The following RFX7 variants were observed in gnomAD, a reference collection of about 807,000 sequenced individuals.
RFX7 encodes DNA-binding protein RFX7.
A neutral mutation model predicts 111.8 loss-of-function variants in RFX7; 26 were observed. That is an observed-to-expected ratio of 0.23 (90% CI 0.17 to 0.32). The LOEUF is 0.32. RFX7 is among the 10% of genes least tolerant of loss of function. The probability of loss-of-function intolerance (pLI) is 1.00; values close to 1 mark genes in which losing one functional copy is unlikely to be tolerated. For synonymous variants in RFX7, 624 were observed against 624.4 expected, an observed-to-expected ratio of 1.00 and a Z score of 0.01; for missense variants, 1,573 against 1,772.9, an observed-to-expected ratio of 0.89 and a Z score of 2.02.
At chr15:56,221,148 T>C (rs998022350) in intron 2 of RFX7, among the ~76,000 whole-genome samples, 1 of 152,248 alleles carries the variant, frequency 6.6e-6, no homozygotes, top group African/African-American at 2.4e-5. Context: ...TTGCTTAGGA[T>C]TGCCTTGGCC....
In RFX7 at chr15:56,096,437, G is replaced by A; in HGVS notation, c.1291C>T (p.Gln431Ter). ...GTGTTCGCTGGTTTGGGTAAGATCT[G>A]AGGGTAACGGTGCCGGGCAGAACGA... ...GDRSARHRYP[Q>*]ILPKPANTSA... The change falls in exon 10 of 10, where the codon CAG becomes TAG. Residue 431 changes from glutamine to a stop codon, truncating the protein, a stop_gained. Coordinates refer to ENST00000559447, the MANE Select transcript of RFX7 (RefSeq NM_022841.7). LOFTEE classifies it high-confidence loss of function. 6.2e-7 allele frequency: 1 copy of A among 1,613,630 alleles called. No homozygotes were observed. Among genetic ancestry groups the A allele is most frequent in the Non-Finnish European group, 8.5e-7 (1 of 1,179,750 alleles).
In RFX7 at chr15:56,092,901, T is replaced by C. The variant is rs564302943; in HGVS notation, c.*444A>G. ...TTTATAATAACCTGAATATTATCCC[T>C]GTTTCAAGGAAGACTTTCTTGTCTA... On this transcript the variant is annotated 3_prime_UTR_variant, in exon 10 of 10. Coordinates refer to ENST00000559447, the MANE Select transcript of RFX7 (RefSeq NM_022841.7). 2.6e-5 allele frequency: 4 copies of C among 156,554 alleles called. No individual in the cohort carries two copies. The South Asian group carries it at 5.9e-4, about 23-fold the overall frequency. 9.7% of individuals were successfully genotyped at this position (156,554 alleles called of 1,614,324 possible).
intron 5 of RFX7, among the ~76,000 whole-genome samples, chr15:56,110,317 TGGG>T (rs1213897198): frequency 4.8e-3 from 43 of 9,030 alleles, no homozygotes; most frequent in East Asian, 0.011. Context: ...GGGAGGGAGG[TGGG>T]GGGGGGGTCA....
intron 2 of RFX7, among the ~76,000 whole-genome samples, chr15:56,229,500 C>T (rs572380860): frequency 3.3e-5 from 5 of 152,268 alleles, no homozygotes; most frequent in South Asian, 4.1e-4. Context: ...CTCCTGACCT[C>T]GTGATCCGCC....
At chr15:56,240,061 G>A (rs2141246123) in intron 2 of RFX7, among the ~76,000 whole-genome samples, 1 of 149,492 alleles carries the variant, frequency 6.7e-6, no homozygotes, top group South Asian at 2.1e-4. Flanking sequence ...AGTTAGGTTG[G>A]GTTGTGGCCT....
chr15:56,211,703 TA>T (rs1567047745), intron 2 of RFX7, among the ~76,000 whole-genome samples: 2 of 151,858 alleles, frequency 1.3e-5, no homozygotes, highest in African/African-American at 4.8e-5. Context: ...TCAACCCCAT[TA>T]AAAAATGGGA....
intron 4 of RFX7, 150 bp from the exon 5 acceptor site, chr15:56,143,050 C>T: frequency 9.6e-6 from 8 of 834,454 alleles, no homozygotes; most frequent in Non-Finnish European, 1.1e-5. Flanking sequence ...AATTGTCCAC[C>T]TATGGTTGTG....
chr15:56,212,680 AT>A (rs1384999420), intron 2 of RFX7, among the ~76,000 whole-genome samples: 64 of 152,280 alleles, frequency 4.2e-4, no homozygotes, highest in Non-Finnish European at 4.3e-4. Context: ...AATAAAGTTT[AT>A]TTTTTAAAAA....
chr15:56,111,774 C>G (rs1024242508), intron 5 of RFX7, among the ~76,000 whole-genome samples: 12 of 151,174 alleles, frequency 7.9e-5, no homozygotes, highest in African/African-American at 2.7e-4. Flanking sequence ...TGGATCCAGA[C>G]AAGTGTATCT....
intron 3 of RFX7, among the ~76,000 whole-genome samples, chr15:56,157,435 CTGAG>C (rs1384376129): frequency 2.0e-5 from 3 of 152,186 alleles, no homozygotes; most frequent in Admixed American, 6.5e-5. Flanking sequence ...GTATCACTTA[CTGAG>C]TATTTCACAC....
chr15:56,185,456 C>G (rs1323035507), intron 2 of RFX7, among the ~76,000 whole-genome samples: 1 of 152,082 alleles, frequency 6.6e-6, no homozygotes. Flanking sequence ...AATTCATTGC[C>G]ATTTTATCTA....
chr15:56,220,474 C>A (rs980516773), intron 2 of RFX7, among the ~76,000 whole-genome samples: 12 of 152,038 alleles, frequency 7.9e-5, no homozygotes, highest in Admixed American at 4.6e-4. Context: ...TCAGGTGATC[C>A]ACCCGCCTCG....
chr15:56,130,800 C>T lies in RFX7; in HGVS notation c.401+11978G>A, dbSNP rs145905477. On this transcript the variant is annotated intron_variant, in intron 5 of 9. Coordinates refer to ENST00000559447, the MANE Select transcript of RFX7 (RefSeq NM_022841.7). The stretch of plus-strand genomic sequence containing the variant: ...TGAAAAAAGAGGAAAATTCAATGTA[C>T]AAAACTAGAAATATCAAAAAGCATA... 3.3e-5 allele frequency among the ~76,000 whole-genome samples: 5 copies of T among 151,640 alleles called. No homozygotes were observed. The South Asian group carries it at 8.3e-4, about 25-fold the overall frequency.
intron 5 of RFX7, 54 bp downstream of exon 5, chr15:56,142,719 CAAGTA>C: frequency 6.8e-7 from 1 of 1,475,206 alleles, no homozygotes; most frequent in Non-Finnish European, 9.3e-7. Flanking sequence ...TCACTATGGC[CAAGTA>C]TAGTATTTTA....
At chr15:56,221,649 TA>T (rs1261568781) in intron 2 of RFX7, among the ~76,000 whole-genome samples, 1 of 152,196 alleles carries the variant, frequency 6.6e-6, no homozygotes, top group Admixed American at 6.5e-5. Flanking sequence ...ATTCATCTGA[TA>T]TTTTTTAGTA....
intron 5 of RFX7, among the ~76,000 whole-genome samples, chr15:56,134,501 A>G (rs1349091501): frequency 1.3e-5 from 2 of 152,062 alleles, no homozygotes; most frequent in South Asian, 2.1e-4. Flanking sequence ...CAATTCCATG[A>G]ACAGAACTGG....
At chr15:56,182,827 C>T (rs1015043044) in intron 2 of RFX7, among the ~76,000 whole-genome samples, 1 of 151,962 alleles carries the variant, frequency 6.6e-6, no homozygotes, top group Non-Finnish European at 1.5e-5. Flanking sequence ...TGGCATATAC[C>T]TGTAAGAATT....
intron 2 of RFX7, among the ~76,000 whole-genome samples, chr15:56,212,959 CAAT>C (rs1475236150): frequency 6.6e-6 from 1 of 152,114 alleles, no homozygotes; most frequent in Admixed American, 6.5e-5. Context: ...AATACAACCA[CAAT>C]GAGATATCAC....
intron 2 of RFX7, among the ~76,000 whole-genome samples, chr15:56,183,706 C>T (rs2141144408): frequency 6.6e-6 from 1 of 152,192 alleles, no homozygotes; most frequent in Middle Eastern, 3.4e-3. Flanking sequence ...TTTGTTTTTC[C>T]AGGTGAATTT....
Sources: gnomAD v4.1 joint callset for allele counts (sites outside exome capture counted in the v4.1 genomes callset) on GRCh38, gnomAD v4.1.1 for gene constraint, MANE v1.5 for transcripts, NCBI Gene and HGNC (gene_info 2026-07-23, HGNC 2026-07-21) for gene names.